The following SNX29 variants were observed in gnomAD, a reference collection of about 807,000 sequenced individuals.
The protein encoded by SNX29 is sorting nexin-29.
A neutral mutation model predicts 102.1 loss-of-function variants in SNX29; 78 were observed. That is an observed-to-expected ratio of 0.76 (90% CI 0.64 to 0.92). The LOEUF is 0.92. Among genes scored for constraint, SNX29 ranks in the 40% least tolerant of loss-of-function variants. The pLI, the probability that SNX29 is intolerant of heterozygous loss-of-function variation, is 0.00. For synonymous variants in SNX29, 580 were observed against 414.5 expected, an observed-to-expected ratio of 1.40 and a Z score of -4.85; for missense variants, 1,280 against 1,061.7, an observed-to-expected ratio of 1.21 and a Z score of -2.86.
intron 18 of SNX29, among the ~76,000 whole-genome samples, chr16:12,428,796 A>G (rs2085191247): frequency 6.6e-6 from 1 of 152,138 alleles, no homozygotes. Context: ...TACGATGGCA[A>G]TTATTATTAT....
chr16:12,413,998 C>G (rs1348953796), intron 18 of SNX29, among the ~76,000 whole-genome samples: 1 of 152,210 alleles, frequency 6.6e-6, no homozygotes, highest in East Asian at 1.9e-4. Flanking sequence ...AGTGCATCCT[C>G]CTGTAGATGC....
chr16:12,460,992 G>A (rs890556404), intron 18 of SNX29, among the ~76,000 whole-genome samples: 4 of 152,294 alleles, frequency 2.6e-5, no homozygotes, highest in East Asian at 3.9e-4. Context: ...AATAATAGCC[G>A]ACTTTTGTTA....
At chr16:11,984,187 C>T (rs999827599) in intron 1 of SNX29, among the ~76,000 whole-genome samples, 17 of 151,872 alleles carry the variant, frequency 1.1e-4, no homozygotes, top group African/African-American at 3.6e-4. Context: ...ACCCGTCTGC[C>T]GGTCTTTGTA....
intron 20 of SNX29, among the ~76,000 whole-genome samples, chr16:12,531,974 G>A (rs1017266386): frequency 1.3e-5 from 2 of 152,194 alleles, no homozygotes; most frequent in Admixed American, 6.5e-5. Context: ...TTAAGATGTA[G>A]CAATCACAGT....
intron 3 of SNX29, among the ~76,000 whole-genome samples, chr16:12,005,720 A>C (rs954635008): frequency 2.6e-5 from 4 of 152,336 alleles, no homozygotes; most frequent in African/African-American, 9.6e-5. Context: ...CCGAAATTCA[A>C]AATGCTCCAA....
At chr16:12,195,444 T>C (rs1487072268) in intron 13 of SNX29, among the ~76,000 whole-genome samples, 2 of 152,220 alleles carry the variant, frequency 1.3e-5, no homozygotes, top group Non-Finnish European at 2.9e-5. Flanking sequence ...TTGATTCATA[T>C]TTCCTAAAGC....
At chr16:12,191,186 A>T (rs2076633413) in intron 13 of SNX29, among the ~76,000 whole-genome samples, 4 of 152,070 alleles carry the variant, frequency 2.6e-5, no homozygotes, top group Admixed American at 2.6e-4. Context: ...CTCCTATGAG[A>T]ATCTAAGGCT....
chr16:12,109,883 A>G (rs2053433375), intron 11 of SNX29, among the ~76,000 whole-genome samples: 1 of 152,056 alleles, frequency 6.6e-6, no homozygotes, highest in Non-Finnish European at 1.5e-5. Flanking sequence ...GGTGTGCACT[A>G]CCACGCCCAC....
intron 14 of SNX29, among the ~76,000 whole-genome samples, chr16:12,224,574 G>A (rs1303162686): frequency 6.6e-6 from 1 of 152,214 alleles, no homozygotes; most frequent in Non-Finnish European, 1.5e-5. Context: ...TGATCAGAGG[G>A]TTGAAGGTTG....
intron 19 of SNX29, among the ~76,000 whole-genome samples, chr16:12,505,959 T>A (rs1205229612): frequency 1.3e-5 from 2 of 152,104 alleles, no homozygotes; most frequent in African/African-American, 4.8e-5. Context: ...AGGTTTCAGA[T>A]TTCATTTGTT....
At chr16:12,416,439 G>T (rs978221845) in intron 18 of SNX29, among the ~76,000 whole-genome samples, 2 of 152,186 alleles carry the variant, frequency 1.3e-5, no homozygotes, top group Admixed American at 6.5e-5. Context: ...CCACCACAAA[G>T]AAATGAGAAG....
intron 20 of SNX29, among the ~76,000 whole-genome samples, chr16:12,544,786 G>C (rs1034432457): frequency 3.9e-5 from 6 of 152,220 alleles, no homozygotes; most frequent in Non-Finnish European, 2.9e-5. Flanking sequence ...AAACTGCAGA[G>C]CCAGGATTCT....
chr16:12,016,164 C>T lies in SNX29; in HGVS notation c.123-11156C>T, dbSNP rs1001073810. Reference sequence around the variant, plus strand: ...GCAGGTGGGAGCCACTGCCCCCGCCCGGCTAATAATTCTTTTTAAAAGGCT... The same window carrying T: ...GCAGGTGGGAGCCACTGCCCCCGCCTGGCTAATAATTCTTTTTAAAAGGCT... On this transcript the variant is annotated intron_variant, in intron 3 of 20. Coordinates refer to ENST00000566228, the MANE Select transcript of SNX29 (RefSeq NM_032167.5). Among the ~76,000 whole-genome samples the T allele has an allele frequency of 6.5e-4, 99 of 152,316 alleles. 1 individual carries two copies. Among genetic ancestry groups the T allele is most frequent in the African/African-American group, 2.3e-3 (95 of 41,562 alleles).
intron 1 of SNX29, among the ~76,000 whole-genome samples, chr16:11,985,129 G>T (rs529526031): frequency 6.6e-6 from 1 of 151,818 alleles, no homozygotes; most frequent in African/African-American, 2.4e-5. Context: ...ATTAAACTCA[G>T]TTGAATTGAT....
At chr16:12,450,544 G>C (rs896325735) in intron 18 of SNX29, among the ~76,000 whole-genome samples, 3 of 152,216 alleles carry the variant, frequency 2.0e-5, no homozygotes, top group Admixed American at 2.0e-4. Context: ...GAGGTGCTCT[G>C]ATTGGCTGAG....
intron 4 of SNX29, among the ~76,000 whole-genome samples, chr16:12,029,898 T>G (rs1343256647): frequency 6.6e-6 from 1 of 152,014 alleles, no homozygotes; most frequent in African/African-American, 2.4e-5. Context: ...GGCTGGAATT[T>G]GATGTTCTTT....
intron 15 of SNX29, among the ~76,000 whole-genome samples, chr16:12,354,053 T>A (rs1169792428): frequency 6.6e-6 from 1 of 152,232 alleles, no homozygotes; most frequent in African/African-American, 2.4e-5. Context: ...ATTTTTGTGA[T>A]AACAGGAACT....
At chr16:12,015,129 A>C (rs1049800617) in intron 3 of SNX29, among the ~76,000 whole-genome samples, 82 of 152,304 alleles carry the variant, frequency 5.4e-4, no homozygotes, top group Non-Finnish European at 1.1e-3. Context: ...ATATACACAT[A>C]TATGTAGCCT....
intron 13 of SNX29, among the ~76,000 whole-genome samples, chr16:12,155,201 G>A (rs910430316): frequency 6.6e-6 from 1 of 152,188 alleles, no homozygotes; most frequent in Non-Finnish European, 1.5e-5. Flanking sequence ...GACCAGGAGA[G>A]AAAACTCCAT....
Sources: gnomAD v4.1 joint callset for allele counts (sites outside exome capture counted in the v4.1 genomes callset) on GRCh38, gnomAD v4.1.1 for gene constraint, MANE v1.5 for transcripts, NCBI Gene and HGNC (gene_info 2026-07-23, HGNC 2026-07-21) for gene names.